STARD9: variants seen among roughly 807,000 people sequenced by gnomAD.
STARD9 encodes stAR-related lipid transfer protein 9.
STARD9 carries 346 observed loss-of-function variants against 399.8 expected under a neutral mutation model. The ratio of observed to expected loss-of-function variants is 0.87; its 90% CI spans 0.79 to 0.95. STARD9 has a LOEUF of 0.95. Among genes scored for constraint, STARD9 ranks in the 40% least tolerant of loss-of-function variants. The pLI is 0.00. For synonymous variants in STARD9, 2,203 were observed against 2,143.5 expected (o/e 1.03, Z -0.77); for missense variants, 5,832 against 5,667.5 (o/e 1.03, Z -0.93).
chr15:42,717,763 C>G lies in STARD9; in HGVS notation c.13527C>G (p.Asn4509Lys). 6.5e-7 allele frequency: 1 copy of G among 1,537,222 alleles called. No individual in the cohort carries two copies. Among genetic ancestry groups the G allele is most frequent in the Non-Finnish European group, 8.7e-7 (1 of 1,146,906 alleles). Residue 4509 changes from asparagine to lysine, a missense_variant, in exon 29 of 33, where the codon AAC (asparagine) becomes AAG (lysine). Transcript: ENST00000290607. ...VMAACSDNLH[N>K]LFSCQATAGW... ...CTGCTTGTTCGGATAATTTGCACAACCTCTTCAGCTGCCAGGCAACTGCTG... is the reference window on the plus strand; with the variant it reads ...CTGCTTGTTCGGATAATTTGCACAAGCTCTTCAGCTGCCAGGCAACTGCTG...
At position 42,694,164 on chromosome 15, in the gene STARD9, C is replaced by A. The variant is rs1448516804; in HGVS notation, c.12586C>A (p.Gln4196Lys). Reference sequence around the variant, plus strand: ...GGATTCTGAGTGGTCCAAGAGGGAGCAGATCCCCCTGCAAGTTGGGGCCCA... The same window carrying A: ...GGATTCTGAGTGGTCCAAGAGGGAGAAGATCCCCCTGCAAGTTGGGGCCCA... ...SQDSEWSKRE[Q>K]IPLQVGAQNL... Residue 4196 changes from glutamine to lysine, a missense_variant, in exon 23 of 33, where the codon CAG becomes AAG. This residue lies in a region of STARD9 where 5,828 missense variants were observed against 5,651.1 expected (regional missense o/e 1.03). Transcript: ENST00000290607. 7.8e-6 allele frequency: 12 copies of A among 1,534,746 alleles called. No individual in the cohort carries two copies. The highest frequency in any genetic ancestry group is 1.0e-5 in the Non-Finnish European group (12 of 1,145,818).
Position 42,684,731 on chromosome 15 carries a change from G to C in STARD9, c.3153G>C (p.Arg1051Ser), listed in dbSNP as rs2060508812. Residue 1051 changes from arginine to serine, a missense_variant, in exon 23 of 33, where the codon AGG (arginine) becomes AGC (serine). Transcript: ENST00000290607. ...GGCATCAGAGGGTTCTGGCAACTAG[G>C]GTCAGAAATATTACCAAAAAGTCCT... is the stretch of plus-strand genomic sequence containing the variant. The part of the protein sequence containing the change: ...SKRHQRVLAT[R>S]VRNITKKSSH... 1 of 1,537,108 alleles carries C rather than the reference G, an allele frequency of 6.5e-7. No individual in the cohort carries two copies. The highest frequency in any genetic ancestry group is 8.7e-7 in the Non-Finnish European group (1 of 1,146,890).
At chr15:42,666,158 A>G (rs1009121187) in intron 15 of STARD9, among the ~76,000 whole-genome samples, 2 of 152,196 alleles carry the variant, frequency 1.3e-5, no homozygotes, top group African/African-American at 4.8e-5. Flanking sequence ...TTGAGGATCA[A>G]ATAGGTGCTC....
At position 42,691,828 on chromosome 15, in the gene STARD9, C is replaced by G. The variant is rs1205968077; in HGVS notation, c.10250C>G (p.Pro3417Arg). The change falls in exon 23 of 33, where the codon CCA becomes CGA. Residue 3417 changes from proline (P) to arginine (R), a missense_variant. By Grantham distance (103) the Pro-to-Arg change is moderately radical. Coordinates refer to ENST00000290607, the MANE Select transcript of STARD9 (RefSeq NM_020759.3). ...YPMPSTLSHM[P>R]TPDFTTSWMS... is the part of the protein sequence containing the mutation. ...ATGCCTTCCACTCTCTCACACATGC[C>G]AACCCCTGATTTCACGACCAGCTGG... 6.5e-7 allele frequency: 1 copy of G among 1,537,286 alleles called. No homozygotes were observed. The highest frequency in any genetic ancestry group is 2.0e-5 in the Admixed American group (1 of 51,000).
chr15:42,637,805 C>A, intron 4 of STARD9, 102 bp from the exon 5 acceptor site: 1 of 1,208,276 alleles, frequency 8.3e-7, no homozygotes, highest in Non-Finnish European at 1.2e-6. Flanking sequence ...CACAAGGAGT[C>A]CATGCACTCA....
chr15:42,610,587 C>T (rs1293645195), intron 3 of STARD9, among the ~76,000 whole-genome samples: 2 of 152,132 alleles, frequency 1.3e-5, no homozygotes, highest in African/African-American at 2.4e-5. Flanking sequence ...TCACTCTTGT[C>T]GCCCAGGCTG....
At chr15:42,717,906 C>A in intron 29 of STARD9, 71 bp from the exon 30 acceptor site, 1 of 1,502,676 alleles carries the variant, frequency 6.7e-7, no homozygotes, top group Non-Finnish European at 9.0e-7. Flanking sequence ...TCACTCTGAG[C>A]CCCTCCTTTG....
At chr15:42,581,256 G>T in intron 1 of STARD9, 1 of 858,878 alleles carries the variant, frequency 1.2e-6, no homozygotes, top group East Asian at 2.4e-5. Flanking sequence ...TGACTCCCGG[G>T]ATATTGGGCA....
Position 42,675,870 on chromosome 15 carries a change from A to G in STARD9, c.1771-2A>G, listed in dbSNP as rs763967566. 5.2e-6 allele frequency: 8 copies of G among 1,537,222 alleles called. No individual in the cohort carries two copies. The highest frequency in any genetic ancestry group is 7.0e-6 in the Non-Finnish European group (8 of 1,146,886). ...CTCACTGTGCTTTCTTCCTTGTTCA[A>G]GGTTGGAGAGGCTGCTGCTGGTCGT... On this transcript the variant is annotated splice_acceptor_variant, in intron 19 of 32. Coordinates refer to ENST00000290607, the MANE Select transcript of STARD9 (RefSeq NM_020759.3). LOFTEE classifies it high-confidence loss of function.
In STARD9 at chr15:42,720,394, G is replaced by C. The variant is rs1024743065; in HGVS notation, c.*820G>C. 2 of 152,346 alleles carry C rather than the reference G, an allele frequency of 1.3e-5. No individual in the cohort carries two copies. The highest frequency in any genetic ancestry group is 2.9e-5 in the Non-Finnish European group (2 of 68,118). The allele number at this position is 152,346 out of a possible 1,614,324, so 9.4% of individuals were successfully genotyped here. A position where few individuals can be genotyped will look rare whatever the true frequency, so the allele number is the denominator to read the frequency against. Reference sequence around the variant, plus strand: ...CTGACAAGGCAAGAGGAATTTCAGAGATTAAACATTGTCCTTTGAGGAAGG... The same window carrying C: ...CTGACAAGGCAAGAGGAATTTCAGACATTAAACATTGTCCTTTGAGGAAGG... On this transcript the variant is annotated 3_prime_UTR_variant, in exon 33 of 33. Transcript: ENST00000290607.
chr15:42,713,749 G>C (rs145113087), intron 26 of STARD9, among the ~76,000 whole-genome samples: 66 of 152,208 alleles, frequency 4.3e-4, no homozygotes, highest in Non-Finnish European at 7.5e-4. Flanking sequence ...ACTTGCTCGT[G>C]ATATATGATC....
In STARD9 at chr15:42,681,396, G is replaced by A. The variant is rs1361074859; in HGVS notation, c.1875-26G>A. On this transcript the variant is annotated intron_variant, in intron 20 of 32. Transcript: ENST00000290607. ...TGAGCTTGGTTTGCATTTCCCCTTGGGTAACCTCAGCCGCTTCTGTGACAG... is the reference window on the plus strand; with the variant it reads ...TGAGCTTGGTTTGCATTTCCCCTTGAGTAACCTCAGCCGCTTCTGTGACAG... 11 of 1,528,128 alleles carry A rather than the reference G, an allele frequency of 7.2e-6. 1 individual carries two copies. In the South Asian group the frequency reaches 1.2e-4, roughly 17 times the overall value. 94.7% of individuals were successfully genotyped at this position (1,528,128 alleles called of 1,614,324 possible).
rs180869067 is a variant in STARD9 at position 42,585,443 on chromosome 15, G to T, written c.118-78G>T. 3.0e-4 allele frequency: 264 copies of T among 879,302 alleles called. 1 individual carries two copies. Among genetic ancestry groups the T allele is most frequent in the South Asian group, 1.9e-3 (131 of 69,102 alleles). The allele number at this position is 879,302 out of a possible 1,614,324, so 54.5% of individuals were successfully genotyped here. ...ACCAGTCCAAGTCTCTCTAGCTATG[G>T]TAGAGGGTGATCAAGTGCCACTGGC... On this transcript the variant is annotated intron_variant, in intron 2 of 32. Transcript: ENST00000290607.
chr15:42,675,738 C>G lies in STARD9; in HGVS notation c.1762C>G (p.Arg588Gly), dbSNP rs942163273. Residue 588 changes from arginine to glycine, a missense_variant, in exon 19 of 33, where the codon CGA (arginine) becomes GGA (glycine). By Grantham distance (125) the Arg-to-Gly change is moderately radical (BLOSUM62 -2). Transcript: ENST00000290607. Reference sequence around the variant, plus strand: ...AGCAGAGGCTGCTGTCCTGCGGCAGCGAAGGCAGGTTAGCAGGGCTGTGTT... The same window carrying G: ...AGCAGAGGCTGCTGTCCTGCGGCAGGGAAGGCAGGTTAGCAGGGCTGTGTT... ...HPAEAAVLRQRRQVGEAAAGR... is the reference protein window; with the variant it reads ...HPAEAAVLRQGRQVGEAAAGR... 3 of 1,536,932 alleles carry G rather than the reference C, an allele frequency of 2.0e-6. No homozygotes were observed. The South Asian group carries it at 3.6e-5, about 18-fold the overall frequency.
At chr15:42,596,983 T>G in intron 3 of STARD9, among the ~76,000 whole-genome samples, 1 of 152,228 alleles carries the variant, frequency 6.6e-6, no homozygotes, top group East Asian at 1.9e-4. Flanking sequence ...TATTTCTTAT[T>G]TTTCAAAGGA....
At chr15:42,679,566 C>T (rs2060384074) in intron 20 of STARD9, among the ~76,000 whole-genome samples, 1 of 152,170 alleles carries the variant, frequency 6.6e-6, no homozygotes, top group African/African-American at 2.4e-5. Context: ...CCACCTATCA[C>T]TCTTCACCCA....
Position 42,675,706 on chromosome 15 carries a change from A to C in STARD9, c.1730A>C (p.Asn577Thr). The C allele has an allele frequency of 6.5e-7, 1 of 1,537,204 alleles. No homozygotes were observed. Among genetic ancestry groups the C allele is most frequent in the South Asian group, 1.2e-5 (1 of 84,048 alleles). ...TLGKAQKFRFNHPAEAAVLRQ... is the reference protein window; with the variant it reads ...TLGKAQKFRFTHPAEAAVLRQ... ...GGGAAGGCACAGAAGTTCCGATTCA[A>C]CCACCCAGCAGAGGCTGCTGTCCTG... The change falls in exon 19 of 33, where the codon AAC becomes ACC. Residue 577 changes from asparagine to threonine, a missense_variant. Physicochemically the swap from Asn to Thr is moderately conservative, Grantham distance 65. Coordinates refer to ENST00000290607, the MANE Select transcript of STARD9 (RefSeq NM_020759.3).
Position 42,689,460 on chromosome 15 carries a change from A to G in STARD9, c.7882A>G (p.Ile2628Val), listed in dbSNP as rs2060638858. 6.5e-7 allele frequency: 1 copy of G among 1,537,398 alleles called. No homozygotes were observed. The highest frequency in any genetic ancestry group is 8.7e-7 in the Non-Finnish European group (1 of 1,146,940). The change falls in exon 23 of 33, where the codon ATA becomes GTA. Residue 2628 changes from isoleucine (I) to valine (V), a missense_variant. This residue lies in a region of STARD9 where 5,828 missense variants were observed against 5,651.1 expected (regional missense o/e 1.03). Transcript: ENST00000290607. Reference sequence around the variant, plus strand: ...ATCTCTATCTGCTGAAGCAGGGCAGATAGATCTGTTACCTGATGAGAGGAA... The same window carrying G: ...ATCTCTATCTGCTGAAGCAGGGCAGGTAGATCTGTTACCTGATGAGAGGAA... The part of the protein sequence containing the change: ...VASLSAEAGQ[I>V]DLLPDERKVQ...
intron 3 of STARD9, among the ~76,000 whole-genome samples, chr15:42,623,281 A>G (rs1241764211): frequency 6.6e-6 from 1 of 152,068 alleles, no homozygotes; most frequent in Non-Finnish European, 1.5e-5. Flanking sequence ...ATCAAATGCC[A>G]ACACTGCTAT....
Sources: allele counts gnomAD v4.1 joint callset (sites outside exome capture counted in the v4.1 genomes callset), GRCh38; gene constraint gnomAD v4.1.1; regional missense constraint gnomAD v4.1.1; transcripts MANE v1.5; gene names NCBI Gene and HGNC (gene_info 2026-07-23, HGNC 2026-07-21).